Variants in RSPO2 observed in about 807,000 individuals in gnomAD.
RSPO2 encodes the protein R-spondin 2.
In RSPO2, 14 loss-of-function variants were observed where a neutral mutation model predicts 30.9. The observed-to-expected ratio is 0.45, with a 90% CI of 0.30 to 0.71. RSPO2 has a LOEUF of 0.71. Ranked by LOEUF, RSPO2 falls within the 30% of genes least tolerant of loss-of-function variation. The probability of loss-of-function intolerance (pLI) is 0.08; values close to 1 mark genes in which losing one functional copy is unlikely to be tolerated. For synonymous variants in RSPO2, 107 were observed against 96.4 expected (o/e 1.11, Z -0.64); for missense variants, 264 against 301.9 (o/e 0.87, Z 0.93).
At chr8:107,952,441 CAG>C (rs933576944) in intron 5 of RSPO2, among the ~76,000 whole-genome samples, 2 of 152,062 alleles carry the variant, frequency 1.3e-5, no homozygotes, top group Non-Finnish European at 2.9e-5. Context: ...TCATAGCAAA[CAG>C]AAAGACAATA....
chr8:108,063,577 A>T (rs1812550256), intron 2 of RSPO2, among the ~76,000 whole-genome samples: 1 of 151,876 alleles, frequency 6.6e-6, no homozygotes, highest in South Asian at 2.1e-4. Flanking sequence ...GGACAGGAAG[A>T]ATCAATATCA....
At chr8:108,049,423 C>A (rs915952125) in intron 2 of RSPO2, among the ~76,000 whole-genome samples, 1 of 151,550 alleles carries the variant, frequency 6.6e-6, no homozygotes, top group African/African-American at 2.4e-5. Context: ...TTCTGGGATA[C>A]ATGTGCAGAA....
At chr8:108,039,602 T>C (rs1180380577) in intron 2 of RSPO2, among the ~76,000 whole-genome samples, 2 of 152,126 alleles carry the variant, frequency 1.3e-5, no homozygotes, top group East Asian at 1.9e-4. Flanking sequence ...TGGTTTGTCT[T>C]AAGGTACCTT....
chr8:108,009,944 G>A (rs914849756), intron 2 of RSPO2, among the ~76,000 whole-genome samples: 2 of 152,076 alleles, frequency 1.3e-5, no homozygotes, highest in Non-Finnish European at 2.9e-5. Context: ...AGCTACTTGC[G>A]AGGCTGAGGC....
intron 5 of RSPO2, among the ~76,000 whole-genome samples, chr8:107,928,031 T>C (rs1812440545): frequency 6.6e-6 from 1 of 152,158 alleles, no homozygotes; most frequent in Non-Finnish European, 1.5e-5. Flanking sequence ...GGTAAAGACC[T>C]AGAGGGCTCA....
chr8:107,924,203 T>C (rs1812281282), intron 5 of RSPO2, among the ~76,000 whole-genome samples: 1 of 152,014 alleles, frequency 6.6e-6, no homozygotes, highest in Non-Finnish European at 1.5e-5. Context: ...GAAGATGTGC[T>C]TCAGAAAGTA....
intron 2 of RSPO2, among the ~76,000 whole-genome samples, chr8:107,992,425 G>A (rs1814879758): frequency 1.3e-5 from 2 of 152,256 alleles, no homozygotes; most frequent in African/African-American, 4.8e-5. Flanking sequence ...ATGGGAGGAA[G>A]ATGAGGATGA....
At chr8:107,968,959 G>A (rs1813908056) in intron 3 of RSPO2, among the ~76,000 whole-genome samples, 1 of 152,064 alleles carries the variant, frequency 6.6e-6, no homozygotes, top group African/African-American at 2.4e-5. Flanking sequence ...CCCTTGTTTA[G>A]GTCACACAGC....
chr8:108,037,287 A>G (rs1811626861), intron 2 of RSPO2, among the ~76,000 whole-genome samples: 1 of 152,244 alleles, frequency 6.6e-6, no homozygotes, highest in East Asian at 1.9e-4. Context: ...AGAAAGTTTT[A>G]GAAGTCTGGA....
intron 2 of RSPO2, among the ~76,000 whole-genome samples, chr8:108,001,652 G>GT: frequency 6.6e-6 from 1 of 152,074 alleles, no homozygotes; most frequent in Non-Finnish European, 1.5e-5. Context: ...GGATGGTTGG[G>GT]TGTTGCTCAT....
At chr8:108,015,360 A>G (rs1447066530) in intron 2 of RSPO2, among the ~76,000 whole-genome samples, 1 of 152,172 alleles carries the variant, frequency 6.6e-6, no homozygotes, top group South Asian at 2.1e-4. Flanking sequence ...ACACACAAAT[A>G]ACACTAGTAT....
At chr8:107,916,988 G>T (rs1812002240) in intron 5 of RSPO2, among the ~76,000 whole-genome samples, 1 of 152,136 alleles carries the variant, frequency 6.6e-6, no homozygotes, top group Non-Finnish European at 1.5e-5. Flanking sequence ...ATGCAAAAAT[G>T]CCATTTTGTT....
At chr8:108,052,103 A>G (rs561242081) in intron 2 of RSPO2, among the ~76,000 whole-genome samples, 13 of 152,354 alleles carry the variant, frequency 8.5e-5, no homozygotes, top group South Asian at 2.1e-4. Context: ...AAACCTACTT[A>G]TATCAAGCTA....
chr8:108,058,277 A>T (rs1449956515), intron 2 of RSPO2, among the ~76,000 whole-genome samples: 1 of 152,172 alleles, frequency 6.6e-6, no homozygotes, highest in East Asian at 1.9e-4. Flanking sequence ...AATACCTAGG[A>T]ATCCAATTTA....
chr8:108,001,653 T>C (rs1815252456), intron 2 of RSPO2, among the ~76,000 whole-genome samples: 1 of 152,118 alleles, frequency 6.6e-6, no homozygotes, highest in Non-Finnish European at 1.5e-5. Context: ...GATGGTTGGG[T>C]GTTGCTCATT....
At chr8:108,045,978 A>G (rs540421496) in intron 2 of RSPO2, among the ~76,000 whole-genome samples, 1 of 152,158 alleles carries the variant, frequency 6.6e-6, no homozygotes, top group African/African-American at 2.4e-5. Context: ...GAATCTCTAC[A>G]TCTCAGGCAT....
At chr8:108,025,692 AT>A (rs920390862) in intron 2 of RSPO2, among the ~76,000 whole-genome samples, 164 of 149,404 alleles carry the variant, frequency 1.1e-3, no homozygotes, top group Middle Eastern at 6.9e-3. Context: ...CACTTGGCTG[AT>A]TTTTTTTTTA....
intron 5 of RSPO2, among the ~76,000 whole-genome samples, chr8:107,946,471 C>T (rs748667981): frequency 6.6e-5 from 10 of 152,150 alleles, no homozygotes; most frequent in Non-Finnish European, 1.5e-4. Flanking sequence ...GCTGGCAGGA[C>T]ACCTAGGGAG....
intron 2 of RSPO2, among the ~76,000 whole-genome samples, chr8:108,038,330 T>C (rs1811657261): frequency 2.0e-5 from 3 of 152,242 alleles, no homozygotes; most frequent in South Asian, 4.1e-4. Context: ...ATGATAAAAC[T>C]TGAATGGATG....
Sources: gnomAD v4.1 joint callset for allele counts (sites outside exome capture counted in the v4.1 genomes callset) on GRCh38, gnomAD v4.1.1 for gene constraint, MANE v1.5 for transcripts, NCBI Gene and HGNC (gene_info 2026-07-23, HGNC 2026-07-21) for gene names.